The following GPRASP3 variants were observed in gnomAD, a reference collection of about 807,000 sequenced individuals.
GPRASP3 encodes G protein-coupled receptor associated sorting protein 3.
chrX:102,751,753 G>A, the GPRASP3 span: 2 of 123,054 alleles, frequency 1.6e-5, no homozygotes, highest in Non-Finnish European at 3.8e-5. Flanking sequence ...TGGCAGTGTC[G>A]AAAATAGTAG....
At chrX:102,750,194 A>G in the GPRASP3 span, 5 of 1,205,329 alleles carry the variant, frequency 4.1e-6, no homozygotes, top group South Asian at 7.2e-5. Context: ...AGACAACGCA[A>G]AATTGAATTA....
At chrX:102,723,371 A>G in the GPRASP3 span, among the ~76,000 whole-genome samples, 2 of 111,662 alleles carry the variant, frequency 1.8e-5, no homozygotes, top group East Asian at 2.8e-4. Context: ...GATACAAGGT[A>G]TGTGGGGCAA....
chrX:102,733,105 A>G, the GPRASP3 span, among the ~76,000 whole-genome samples: 13 of 112,569 alleles, frequency 1.2e-4, no homozygotes, highest in South Asian at 3.6e-4. Flanking sequence ...GCCCTGTTGC[A>G]AAAGAAAGCA....
the GPRASP3 span, among the ~76,000 whole-genome samples, chrX:102,735,261 A>G: frequency 8.9e-6 from 1 of 112,255 alleles, no homozygotes; most frequent in Non-Finnish European, 1.9e-5. Context: ...TAAACCTTTT[A>G]TAACACTTTA....
the GPRASP3 span, among the ~76,000 whole-genome samples, chrX:102,740,394 C>G: frequency 8.9e-6 from 1 of 111,909 alleles, no homozygotes; most frequent in Non-Finnish European, 1.9e-5. Flanking sequence ...GAATCTTAAC[C>G]AAGACCAACA....
At chrX:102,748,905 C>T in the GPRASP3 span, 56 of 957,856 alleles carry the variant, frequency 5.8e-5, no homozygotes, top group Non-Finnish European at 6.7e-5. Flanking sequence ...AGTTTTTCCC[C>T]GACCCAGTGA....
the GPRASP3 span, among the ~76,000 whole-genome samples, chrX:102,729,752 C>T: frequency 3.6e-5 from 4 of 111,692 alleles, no homozygotes; most frequent in African/African-American, 1.3e-4. Context: ...TGCCTGTAAT[C>T]CCAGCTACTC....
At chrX:102,740,209 C>T in the GPRASP3 span, among the ~76,000 whole-genome samples, 1 of 111,563 alleles carries the variant, frequency 9.0e-6, no homozygotes, top group East Asian at 2.8e-4. Flanking sequence ...TAAGGTCCTT[C>T]CCACCCCCGC....
chrX:102,734,575 C>G, the GPRASP3 span, among the ~76,000 whole-genome samples: 1 of 111,478 alleles, frequency 9.0e-6, no homozygotes, highest in African/African-American at 3.3e-5. Context: ...CGAGATTGGG[C>G]TACTGCACTC....
the GPRASP3 span, among the ~76,000 whole-genome samples, chrX:102,733,661 AAGAT>A: frequency 8.8e-4 from 95 of 108,231 alleles, no homozygotes; most frequent in Non-Finnish European, 1.7e-3. Flanking sequence ...AAAAAAAAAA[AAGAT>A]GACTTCAGTC....
the GPRASP3 span, among the ~76,000 whole-genome samples, chrX:102,744,566 C>T: frequency 2.7e-5 from 3 of 111,890 alleles, no homozygotes; most frequent in Non-Finnish European, 5.6e-5. Context: ...CTGATTGAGG[C>T]ATCCACAAAG....
the GPRASP3 span, chrX:102,752,471 T>A: frequency 8.1e-6 from 1 of 123,578 alleles, no homozygotes; most frequent in Non-Finnish European, 1.9e-5. Context: ...TTTTCCCATG[T>A]TAACAGTTGG....
At chrX:102,731,916 T>C in the GPRASP3 span, among the ~76,000 whole-genome samples, 5 of 112,127 alleles carry the variant, frequency 4.5e-5, no homozygotes, top group East Asian at 1.4e-3. Flanking sequence ...TCATACTCTG[T>C]CATCCTGTCT....
At chrX:102,721,974 C>T in the GPRASP3 span, among the ~76,000 whole-genome samples, 1 of 112,075 alleles carries the variant, frequency 8.9e-6, no homozygotes, top group South Asian at 3.8e-4. Flanking sequence ...CCTCTACCCA[C>T]AATACTTCTG....
chrX:102,749,892 C>T, the GPRASP3 span: 1 of 1,207,258 alleles, frequency 8.3e-7, no homozygotes, highest in Non-Finnish European at 1.1e-6. Flanking sequence ...GACGTCAAAT[C>T]AGGATCAGGG....
the GPRASP3 span, among the ~76,000 whole-genome samples, chrX:102,727,992 AC>A: frequency 9.0e-6 from 1 of 111,494 alleles, no homozygotes; most frequent in African/African-American, 3.3e-5. Flanking sequence ...ACTCTTCTGT[AC>A]AAACTCCCTT....
the GPRASP3 span, among the ~76,000 whole-genome samples, chrX:102,745,328 A>C: frequency 8.9e-6 from 1 of 111,893 alleles, no homozygotes; most frequent in African/African-American, 3.3e-5. Context: ...AGTCTGGTAC[A>C]GACCAGTGGT....
the GPRASP3 span, among the ~76,000 whole-genome samples, chrX:102,731,191 C>G: frequency 8.9e-6 from 1 of 112,813 alleles, no homozygotes; most frequent in Admixed American, 9.3e-5. Flanking sequence ...GGAAGGTATC[C>G]AAGTTACCAA....
the GPRASP3 span, among the ~76,000 whole-genome samples, chrX:102,748,128 G>A: frequency 8.9e-6 from 1 of 111,805 alleles, no homozygotes; most frequent in African/African-American, 3.3e-5. Flanking sequence ...TAAGCCACAA[G>A]GAGTACTAGG....
Sources: gnomAD v4.1 joint callset for allele counts (sites outside exome capture counted in the v4.1 genomes callset) on GRCh38, gnomAD v4.1.1 for gene constraint, MANE v1.5 for transcripts, NCBI Gene and HGNC (gene_info 2026-07-23, HGNC 2026-07-21) for gene names.